Variants in FKTN observed in about 807,000 individuals in gnomAD.
FKTN encodes ribitol-5-phosphate transferase FKTN.
FKTN carries 47 observed loss-of-function variants against 58.6 expected under a neutral mutation model. The observed-to-expected ratio is 0.80, with a 90% CI of 0.63 to 1.02. FKTN has a LOEUF of 1.02. FKTN is among the 50% of genes least tolerant of loss of function. The pLI is 0.00. For synonymous variants in FKTN, 178 were observed against 191.9 expected (o/e 0.93, Z 0.60); for missense variants, 516 against 537.3 (o/e 0.96, Z 0.39).
At chr9:105,575,265 G>A in intron 3 of FKTN, 128 bp downstream of exon 3, 1 of 673,672 alleles carries the variant, frequency 1.5e-6, no homozygotes, top group Non-Finnish European at 2.7e-6. Flanking sequence ...GCGAGGTGTG[G>A]CAAACAATTA....
At chr9:105,620,428 A>G (rs773685244) in intron 10 of FKTN, among the ~76,000 whole-genome samples, 2 of 152,148 alleles carry the variant, frequency 1.3e-5, no homozygotes, top group Non-Finnish European at 2.9e-5. Flanking sequence ...GAACGTAATC[A>G]TTTTATCCAT....
intron 1 of FKTN, among the ~76,000 whole-genome samples, chr9:105,567,835 T>A (rs1284106380): frequency 2.0e-5 from 3 of 152,122 alleles, no homozygotes. Flanking sequence ...CCTTGCCAAG[T>A]CAATCCTAAG....
In FKTN at chr9:105,635,715, T is replaced by C; in HGVS notation, c.*451T>C. On this transcript the variant is annotated 3_prime_UTR_variant, in exon 11 of 11. Coordinates refer to ENST00000357998, the MANE Select transcript of FKTN (RefSeq NM_001079802.2). ...GGCATTTAAGCTGGTATGTTAGTGC[T>C]ACTTTTAAGATTGTGGAGTCTGAGT... The C allele has an allele frequency of 9.7e-7, 1 of 1,032,964 alleles. No homozygotes were observed. The highest frequency in any genetic ancestry group is 1.2e-6 in the Non-Finnish European group (1 of 858,448). 64.0% of individuals were successfully genotyped at this position (1,032,964 alleles called of 1,614,324 possible). A position where few individuals can be genotyped will look rare whatever the true frequency, so the allele number is the denominator to read the frequency against.
intron 1 of FKTN, among the ~76,000 whole-genome samples, chr9:105,560,282 T>C (rs967684246): frequency 6.6e-6 from 1 of 152,198 alleles, no homozygotes; most frequent in African/African-American, 2.4e-5. Context: ...AATGTACATA[T>C]GAATCATCTG....
chr9:105,640,654 G>C lies in FKTN; in HGVS notation c.*5390G>C, dbSNP rs1175412522. ...ACCTTCTAACCCAACCTAATACAGA[G>C]ATTTTGTAGGGACCCATTAACAAGC... On this transcript the variant is annotated 3_prime_UTR_variant, in exon 11 of 11. Coordinates refer to ENST00000357998, the MANE Select transcript of FKTN (RefSeq NM_001079802.2). The C allele has an allele frequency of 6.6e-6, 1 of 151,972 alleles. No homozygotes were observed. Among genetic ancestry groups the C allele is most frequent in the Non-Finnish European group, 1.5e-5 (1 of 68,020 alleles). 9.4% of individuals were successfully genotyped at this position (151,972 alleles called of 1,614,324 possible). A position where few individuals can be genotyped will look rare whatever the true frequency, so the allele number is the denominator to read the frequency against.
intron 5 of FKTN, among the ~76,000 whole-genome samples, chr9:105,602,034 A>G (rs566095052): frequency 6.6e-6 from 1 of 152,348 alleles, no homozygotes; most frequent in Non-Finnish European, 1.5e-5. Context: ...GTAGGATCAC[A>G]GAATGTGGTA....
At chr9:105,598,217 G>A (rs754553501) in intron 4 of FKTN, 1 of 399,544 alleles carries the variant, frequency 2.5e-6, no homozygotes, top group Non-Finnish European at 5.2e-6. Flanking sequence ...ACATTGAGGG[G>A]ACTAAAAAAA....
intron 9 of FKTN, 28 bp from the exon 10 acceptor site, chr9:105,619,906 T>C (rs772221503): frequency 1.9e-6 from 3 of 1,593,602 alleles, no homozygotes; most frequent in Non-Finnish European, 2.6e-6. Flanking sequence ...TTTGTTTCAG[T>C]GTGTGAAGGT....
intron 1 of FKTN, among the ~76,000 whole-genome samples, chr9:105,573,253 T>C (rs925769248): frequency 2.6e-5 from 4 of 151,150 alleles, no homozygotes; most frequent in Non-Finnish European, 5.9e-5. Flanking sequence ...AAAAAAATGC[T>C]TAATTGTAGT....
At chr9:105,613,609 TAA>T (rs1347990087) in intron 7 of FKTN, among the ~76,000 whole-genome samples, 1 of 152,258 alleles carries the variant, frequency 6.6e-6, no homozygotes, top group Non-Finnish European at 1.5e-5. Flanking sequence ...GGCACCATTC[TAA>T]ACCTGTAGAT....
At chr9:105,627,950 A>G (rs1173580388) in intron 10 of FKTN, among the ~76,000 whole-genome samples, 3 of 152,186 alleles carry the variant, frequency 2.0e-5, no homozygotes, top group Non-Finnish European at 2.9e-5. Flanking sequence ...TGATGACTTG[A>G]TCCAACCTAA....
chr9:105,587,424 G>A (rs769591711), intron 3 of FKTN, among the ~76,000 whole-genome samples: 2 of 152,194 alleles, frequency 1.3e-5, no homozygotes, highest in Non-Finnish European at 2.9e-5. Flanking sequence ...TTTAGATCAT[G>A]TGCAACAAAG....
rs893393434 is a variant in FKTN at position 105,638,271 on chromosome 9, C to T, written c.*3007C>T. On this transcript the variant is annotated 3_prime_UTR_variant, in exon 11 of 11. Transcript: ENST00000357998. ...ATCCAGTGCTTCATTGAGGCTAAGTCTCAGGGTGTTTCTGCCGCTTAGTAT... is the reference window on the plus strand; with the variant it reads ...ATCCAGTGCTTCATTGAGGCTAAGTTTCAGGGTGTTTCTGCCGCTTAGTAT... 3 of 985,404 alleles carry T rather than the reference C, an allele frequency of 3.0e-6. No individual in the cohort carries two copies. The highest frequency in any genetic ancestry group is 3.6e-6 in the Non-Finnish European group (3 of 829,910). The allele number at this position is 985,404 out of a possible 1,614,324, so 61.0% of individuals were successfully genotyped here.
Position 105,634,909 on chromosome 9 carries a change from C to A in FKTN, c.1173-142C>A, listed in dbSNP as rs571638335. 39 of 765,630 alleles carry A rather than the reference C, an allele frequency of 5.1e-5. No individual in the cohort carries two copies. In the African/African-American group the frequency reaches 6.0e-4, roughly 12 times the overall value. 47.4% of individuals were successfully genotyped at this position (765,630 alleles called of 1,614,324 possible). ...GAAGAGGAAAGGGATTCTGGACAGT[C>A]AAAAATAATTAAATATCCACTCTCT... is the stretch of plus-strand genomic sequence containing the variant. On this transcript the variant is annotated intron_variant, in intron 10 of 10. Transcript: ENST00000357998.
chr9:105,575,819 A>G (rs1841569973), intron 3 of FKTN, among the ~76,000 whole-genome samples: 1 of 152,226 alleles, frequency 6.6e-6, no homozygotes, highest in Non-Finnish European at 1.5e-5. Context: ...CATCAGAATT[A>G]ATCACTTTGC....
Position 105,635,653 on chromosome 9 carries a change from A to T in FKTN, c.*389A>T. On this transcript the variant is annotated 3_prime_UTR_variant, in exon 11 of 11. Transcript: ENST00000357998. Reference sequence around the variant, plus strand: ...GCTCACCAGGCAAAGCTAAGGAAGGATATACTAGTTGAAAAGAATAACCCA... The same window carrying T: ...GCTCACCAGGCAAAGCTAAGGAAGGTTATACTAGTTGAAAAGAATAACCCA... 8.9e-7 allele frequency: 1 copy of T among 1,118,410 alleles called. No homozygotes were observed. Among genetic ancestry groups the T allele is most frequent in the Non-Finnish European group, 1.1e-6 (1 of 911,356 alleles). 69.3% of individuals were successfully genotyped at this position (1,118,410 alleles called of 1,614,324 possible). A position where few individuals can be genotyped will look rare whatever the true frequency, so the allele number is the denominator to read the frequency against.
At position 105,635,083 on chromosome 9, in the gene FKTN, C is replaced by G. The variant is rs371464705; in HGVS notation, c.1205C>G (p.Thr402Ser). 2 of 1,614,142 alleles carry G rather than the reference C, an allele frequency of 1.2e-6. No homozygotes were observed. The highest frequency in any genetic ancestry group is 1.7e-6 in the Non-Finnish European group (2 of 1,180,006). ...YLFPKFTLCWTEFVDMKVHVP... is the reference protein window; with the variant it reads ...YLFPKFTLCWSEFVDMKVHVP... ...TTTCCGAAGTTTACACTGTGCTGGACTGAGTTTGTAGACATGAAGGTCCAT... is the reference window on the plus strand; with the variant it reads ...TTTCCGAAGTTTACACTGTGCTGGAGTGAGTTTGTAGACATGAAGGTCCAT... Residue 402 changes from threonine (T) to serine (S), a missense_variant, in exon 11 of 11, where the codon ACT (threonine) becomes AGT (serine). Coordinates refer to ENST00000357998, the MANE Select transcript of FKTN (RefSeq NM_001079802.2).
chr9:105,560,521 A>G (rs767017056), intron 1 of FKTN, among the ~76,000 whole-genome samples: 2 of 152,238 alleles, frequency 1.3e-5, no homozygotes, highest in Non-Finnish European at 2.9e-5. Context: ...ATATGCTTAT[A>G]CAAATATTGG....
At chr9:105,611,487 C>G (rs949207480) in intron 7 of FKTN, among the ~76,000 whole-genome samples, 1 of 152,018 alleles carries the variant, frequency 6.6e-6, no homozygotes, top group Admixed American at 6.6e-5. Flanking sequence ...AGTTATTTTT[C>G]CTGGTCCTCT....
Sources: allele counts gnomAD v4.1 joint callset (sites outside exome capture counted in the v4.1 genomes callset), GRCh38; gene constraint gnomAD v4.1.1; transcripts MANE v1.5; gene names NCBI Gene and HGNC (gene_info 2026-07-23, HGNC 2026-07-21).